UNC13C: variants seen among roughly 807,000 people sequenced by gnomAD.
UNC13C encodes unc-13 homolog C.
UNC13C carries 174 observed loss-of-function variants against 245.4 expected under a neutral mutation model. The ratio of observed to expected loss-of-function variants is 0.71; its 90% CI spans 0.63 to 0.80. UNC13C has a LOEUF of 0.80. Ranked by LOEUF, UNC13C falls within the 30% of genes least tolerant of loss-of-function variation. UNC13C has a pLI of 0.00. For missense variants in UNC13C, 2,829 were observed against 2,602.9 expected (o/e 1.09, Z -1.89); for synonymous variants, 992 against 895.1 (o/e 1.11, Z -1.93).
At chr15:54,041,108 A>G (rs1207261462) in intron 2 of UNC13C, among the ~76,000 whole-genome samples, 2 of 152,238 alleles carry the variant, frequency 1.3e-5, no homozygotes, top group Non-Finnish European at 2.9e-5. Context: ...TTATTAATGG[A>G]TAACGTAGAG....
chr15:54,130,493 C>G (rs2031346615), intron 2 of UNC13C, among the ~76,000 whole-genome samples: 1 of 151,870 alleles, frequency 6.6e-6, no homozygotes, highest in Non-Finnish European at 1.5e-5. Context: ...GAGGTTTCAC[C>G]GTGTTAGCCA....
chr15:54,008,550 T>C (rs1377049179), intron 1 of UNC13C, among the ~76,000 whole-genome samples: 2 of 152,178 alleles, frequency 1.3e-5, no homozygotes, highest in Non-Finnish European at 2.9e-5. Flanking sequence ...ATGAAGACAA[T>C]GTGTAGTTAT....
downstream of UNC13C, chr15:54,629,862 T>TAATA (rs768372064): frequency 1.8e-4 from 27 of 152,322 alleles, no homozygotes; most frequent in Admixed American, 2.6e-4. Context: ...TATCAAAGCC[T>TAATA]AATAGTGGCA....
In UNC13C at chr15:54,388,085, T is replaced by C. The variant is rs552931742; in HGVS notation, c.4714-4963T>C. Among the ~76,000 whole-genome samples, 267 of 151,996 alleles carry C rather than the reference T, an allele frequency of 1.8e-3. 1 individual carries two copies. The highest frequency in any genetic ancestry group is 2.5e-3 in the Non-Finnish European group (173 of 68,012). ...CCTAATCTCCATTCTTGATTCCCAT[T>C]CCCATGAGCTGAATGACGAAACACA... On this transcript the variant is annotated intron_variant, in intron 17 of 32. Transcript: ENST00000260323.
the UNC13C span, among the ~76,000 whole-genome samples, chr15:53,873,919 C>T: frequency 4.9e-4 from 8 of 16,258 alleles, no homozygotes; most frequent in African/African-American, 7.0e-4. Context: ...TTCCTTCCTT[C>T]CTTTCTTCCT....
chr15:54,599,548 A>AT (rs1899289214), intron 30 of UNC13C, among the ~76,000 whole-genome samples: 1 of 152,014 alleles, frequency 6.6e-6, no homozygotes, highest in South Asian at 2.1e-4. Context: ...CGAAAGTAAG[A>AT]TTTTTCCAAC....
chr15:54,104,746 G>A (rs186745978), intron 2 of UNC13C, among the ~76,000 whole-genome samples: 1 of 151,678 alleles, frequency 6.6e-6, no homozygotes, highest in Non-Finnish European at 1.5e-5. Flanking sequence ...GTTCATCTGG[G>A]TTTTGATTTT....
intron 17 of UNC13C, among the ~76,000 whole-genome samples, chr15:54,379,094 C>G (rs2039666431): frequency 6.6e-6 from 1 of 151,994 alleles, no homozygotes; most frequent in African/African-American, 2.4e-5. Flanking sequence ...GATAATTACT[C>G]TTAAGACCAC....
chr15:53,989,052 T>C (rs890659031), intron 1 of UNC13C, among the ~76,000 whole-genome samples: 1 of 152,114 alleles, frequency 6.6e-6, no homozygotes. Context: ...TTGACTAACA[T>C]GCAGGTAGTG....
intron 4 of UNC13C, among the ~76,000 whole-genome samples, chr15:54,166,059 A>G (rs565445218): frequency 7.9e-5 from 12 of 152,038 alleles, no homozygotes; most frequent in Non-Finnish European, 1.6e-4. Flanking sequence ...GGAGTTATTT[A>G]TGTATTAAGG....
chr15:54,581,288 A>T (rs1898188634), intron 30 of UNC13C, among the ~76,000 whole-genome samples: 1 of 152,254 alleles, frequency 6.6e-6, no homozygotes, highest in Non-Finnish European at 1.5e-5. Flanking sequence ...AAGACCAATC[A>T]GAGTGGAGTA....
chr15:54,285,075 T>A (rs959473963), intron 10 of UNC13C, among the ~76,000 whole-genome samples: 2 of 152,142 alleles, frequency 1.3e-5, no homozygotes, highest in African/African-American at 4.8e-5. Context: ...CTTTCTTCAG[T>A]CAACCCTTAA....
At chr15:54,079,323 TC>T (rs1199904678) in intron 2 of UNC13C, among the ~76,000 whole-genome samples, 1 of 152,044 alleles carries the variant, frequency 6.6e-6, no homozygotes, top group Non-Finnish European at 1.5e-5. Context: ...TTAATTTTAA[TC>T]ATTTTTTTCT....
chr15:54,101,840 T>C (rs1392199724), intron 2 of UNC13C, among the ~76,000 whole-genome samples: 1 of 151,888 alleles, frequency 6.6e-6, no homozygotes, highest in Non-Finnish European at 1.5e-5. Context: ...CGCCTTGGCC[T>C]CCCAAAGTGC....
the UNC13C span, chr15:53,914,482 G>T: frequency 0.017 from 2,618 of 152,344 alleles, 112 homozygotes; most frequent in East Asian, 0.15. Context: ...GTCCATATTT[G>T]CAGATGCTCC....
chr15:54,627,044 C>T lies in UNC13C; in HGVS notation c.6576C>T (p.Thr2192=). ...TCCTTAGAATACTCTCTCAGAGGAC[C>T]AGTGATGATGTGGCTAAAGAATTTG... The part of the protein sequence containing the change: ...LTILRILSQR[T]SDDVAKEFVR... The change falls in exon 33 of 33, where the codon ACC becomes ACT. Residue 2192 remains threonine, a synonymous_variant. Transcript: ENST00000260323. The T allele has an allele frequency of 1.2e-6, 2 of 1,613,184 alleles. No homozygotes were observed. The highest frequency in any genetic ancestry group is 8.5e-7 in the Non-Finnish European group (1 of 1,179,500).
At chr15:53,957,155 T>G in the UNC13C span, among the ~76,000 whole-genome samples, 16 of 49,462 alleles carry the variant, frequency 3.2e-4, no homozygotes, top group African/African-American at 7.0e-4. Context: ...TTGTTTGTTT[T>G]TTTTGAGACA....
chr15:54,422,209 T>C (rs1040840980), intron 19 of UNC13C, among the ~76,000 whole-genome samples: 1 of 151,936 alleles, frequency 6.6e-6, no homozygotes, highest in Non-Finnish European at 1.5e-5. Context: ...CATAGACAAA[T>C]CCATAAATAC....
chr15:54,126,679 C>T (rs772612255), intron 2 of UNC13C, among the ~76,000 whole-genome samples: 22 of 152,166 alleles, frequency 1.4e-4, no homozygotes, highest in Middle Eastern at 6.8e-3. Context: ...ACACCAAAAG[C>T]GATGGCAACA....
Sources: allele counts gnomAD v4.1 joint callset (sites outside exome capture counted in the v4.1 genomes callset), GRCh38; gene constraint gnomAD v4.1.1; transcripts MANE v1.5; gene names NCBI Gene and HGNC (gene_info 2026-07-23, HGNC 2026-07-21).